The following LPP variants were observed in gnomAD, a reference collection of about 807,000 sequenced individuals.
LPP encodes the protein lipoma-preferred partner.
A neutral mutation model predicts 60.4 loss-of-function variants in LPP; 38 were observed. The observed-to-expected ratio is 0.63, with a 90% CI of 0.49 to 0.83. The LOEUF (loss-of-function observed/expected upper bound fraction) is 0.83. Among genes scored for constraint, LPP ranks in the 40% least tolerant of loss-of-function variants. The probability of loss-of-function intolerance (pLI) is 0.00; values close to 1 mark genes in which losing one functional copy is unlikely to be tolerated. For missense variants in LPP, 902 were observed against 783.6 expected (o/e 1.15, Z -1.80); for synonymous variants, 328 against 290.8 (o/e 1.13, Z -1.30).
chr3:188,331,766 G>A (rs1340068796), intron 2 of LPP, among the ~76,000 whole-genome samples: 1 of 152,188 alleles, frequency 6.6e-6, no homozygotes, highest in East Asian at 1.9e-4. Context: ...AGCAGTATGA[G>A]TAAATGGTAT....
At chr3:188,852,347 G>C (rs1762868326) in intron 9 of LPP, among the ~76,000 whole-genome samples, 1 of 152,106 alleles carries the variant, frequency 6.6e-6, no homozygotes, top group African/African-American at 2.4e-5. Context: ...CCCTCTATCT[G>C]CATGTGGTCT....
At chr3:188,539,814 T>C (rs1338966934) in intron 6 of LPP, among the ~76,000 whole-genome samples, 1 of 152,136 alleles carries the variant, frequency 6.6e-6, no homozygotes, top group African/African-American at 2.4e-5. Context: ...GAAAGGAATT[T>C]AGGCAACAGA....
chr3:188,614,786 T>TG (rs1197141091), intron 7 of LPP, among the ~76,000 whole-genome samples: 1 of 152,178 alleles, frequency 6.6e-6, no homozygotes, highest in Non-Finnish European at 1.5e-5. Flanking sequence ...GGCTCCACTG[T>TG]GACCCATGTT....
At chr3:188,704,877 A>ATC (rs1468396502) in intron 7 of LPP, among the ~76,000 whole-genome samples, 1 of 152,000 alleles carries the variant, frequency 6.6e-6, no homozygotes, top group Non-Finnish European at 1.5e-5. Flanking sequence ...AGCCCTAAAC[A>ATC]TCTCAGCATG....
chr3:188,589,266 T>A (rs1838158815), intron 6 of LPP, among the ~76,000 whole-genome samples: 1 of 152,084 alleles, frequency 6.6e-6, no homozygotes, highest in Admixed American at 6.5e-5. Context: ...GGAACACAAA[T>A]AAGAAATGCA....
chr3:188,293,268 A>G (rs1354968402), intron 2 of LPP, among the ~76,000 whole-genome samples: 1 of 152,192 alleles, frequency 6.6e-6, no homozygotes, highest in East Asian at 1.9e-4. Flanking sequence ...TGAGAGAGAG[A>G]TGGTTTTGGA....
chr3:188,690,618 T>C (rs1861910678), intron 7 of LPP, among the ~76,000 whole-genome samples: 1 of 152,182 alleles, frequency 6.6e-6, no homozygotes, highest in Non-Finnish European at 1.5e-5. Context: ...AAAATGTAGA[T>C]GGGTTCTATA....
At chr3:188,530,630 A>C (rs1383682167) in intron 6 of LPP, among the ~76,000 whole-genome samples, 1 of 152,206 alleles carries the variant, frequency 6.6e-6, no homozygotes, top group South Asian at 2.1e-4. Context: ...TATGACACAA[A>C]GGCCCAGCTT....
chr3:188,523,260 A>G (rs1437959194), intron 5 of LPP, among the ~76,000 whole-genome samples: 1 of 152,082 alleles, frequency 6.6e-6, no homozygotes, highest in Non-Finnish European at 1.5e-5. Context: ...TGCCTCTTGA[A>G]GTAGGTTTGG....
At chr3:188,706,354 A>G (rs1018303183) in intron 7 of LPP, among the ~76,000 whole-genome samples, 1 of 152,180 alleles carries the variant, frequency 6.6e-6, no homozygotes, top group African/African-American at 2.4e-5. Context: ...AGCATATGCC[A>G]TAGTTTACTC....
chr3:188,594,220 C>T (rs1221241022), intron 6 of LPP, among the ~76,000 whole-genome samples: 1 of 152,158 alleles, frequency 6.6e-6, no homozygotes, highest in Non-Finnish European at 1.5e-5. Context: ...CGTTTGAATT[C>T]AGCTGCCCAT....
At chr3:188,574,898 T>C (rs1834262185) in intron 6 of LPP, among the ~76,000 whole-genome samples, 1 of 152,152 alleles carries the variant, frequency 6.6e-6, no homozygotes, top group Non-Finnish European at 1.5e-5. Context: ...TGTCTTTTTT[T>C]TCATTCAGAG....
At chr3:188,679,868 G>C (rs899339726) in intron 7 of LPP, among the ~76,000 whole-genome samples, 1 of 152,110 alleles carries the variant, frequency 6.6e-6, no homozygotes, top group African/African-American at 2.4e-5. Flanking sequence ...CTGAAACTCA[G>C]TAATTTTTTC....
chr3:188,776,811 C>G (rs1461673001), intron 9 of LPP, among the ~76,000 whole-genome samples: 4 of 152,268 alleles, frequency 2.6e-5, no homozygotes, highest in African/African-American at 9.6e-5. Flanking sequence ...CCAAGCTCCT[C>G]TTTTTGCAGA....
intron 7 of LPP, among the ~76,000 whole-genome samples, chr3:188,639,511 C>CTAATTA: frequency 6.6e-6 from 1 of 151,688 alleles, no homozygotes. Flanking sequence ...ACAAAATTGA[C>CTAATTA]AAATGGGATC....
chr3:188,561,875 CTG>C (rs1419700986), intron 6 of LPP, among the ~76,000 whole-genome samples: 1 of 151,968 alleles, frequency 6.6e-6, no homozygotes, highest in Non-Finnish European at 1.5e-5. Flanking sequence ...GAAGAGGAAA[CTG>C]TTATGAGTAA....
intron 5 of LPP, among the ~76,000 whole-genome samples, chr3:188,521,908 C>T (rs943847251): frequency 5.9e-5 from 9 of 152,184 alleles, no homozygotes; most frequent in Admixed American, 4.6e-4. Flanking sequence ...TATCTGCGCA[C>T]AAGAGGATCA....
At chr3:188,622,578 A>T (rs1313178313) in intron 7 of LPP, among the ~76,000 whole-genome samples, 1 of 152,038 alleles carries the variant, frequency 6.6e-6, no homozygotes, top group East Asian at 1.9e-4. Context: ...TTAAGTTTTG[A>T]TTTCAATAAA....
chr3:188,230,261 T>G (rs1719399328), intron 2 of LPP, among the ~76,000 whole-genome samples: 1 of 152,082 alleles, frequency 6.6e-6, no homozygotes, highest in African/African-American at 2.4e-5. Context: ...AATTTTTGTA[T>G]TTTTAGTAGA....
Sources: allele counts gnomAD v4.1 joint callset (sites outside exome capture counted in the v4.1 genomes callset), GRCh38; gene constraint gnomAD v4.1.1; transcripts MANE v1.5; gene names NCBI Gene and HGNC (gene_info 2026-07-23, HGNC 2026-07-21).